Variants in SMIM13 observed in about 807,000 individuals in gnomAD.
SMIM13 encodes small integral membrane protein 13, also known as UPF0766 protein C6orf228.
Under a neutral mutation model 5.9 loss-of-function variants are expected in SMIM13, and 3 were observed. The ratio of observed to expected loss-of-function variants is 0.51; its 90% CI spans 0.23 to 1.31. The LOEUF is 1.31. Ranked by LOEUF, SMIM13 falls within the 40% of genes most tolerant of loss-of-function variation. The pLI, the probability that SMIM13 is intolerant of heterozygous loss-of-function variation, is 0.18. For missense variants in SMIM13, 85 were observed against 109.9 expected (o/e 0.77, Z 1.01); for synonymous variants, 55 against 46.0 (o/e 1.19, Z -0.79).
intron 1 of SMIM13, among the ~76,000 whole-genome samples, chr6:11,123,325 G>T (rs1305935453): frequency 6.6e-6 from 1 of 152,192 alleles, no homozygotes; most frequent in Non-Finnish European, 1.5e-5. Context: ...TCGTAAGGGC[G>T]CTTCCTCCCG....
At chr6:11,122,711 A>G (rs1758326802) in intron 1 of SMIM13, among the ~76,000 whole-genome samples, 1 of 152,166 alleles carries the variant, frequency 6.6e-6, no homozygotes, top group South Asian at 2.1e-4. Flanking sequence ...GTTTTAAAGG[A>G]ATTGAGGCAG....
At chr6:11,102,198 T>G (rs1320429891) in intron 1 of SMIM13, among the ~76,000 whole-genome samples, 1 of 152,228 alleles carries the variant, frequency 6.6e-6, no homozygotes, top group East Asian at 1.9e-4. Context: ...ATAATTATGT[T>G]TCTGTCCAGA....
chr6:11,100,917 A>G (rs1757982560), intron 1 of SMIM13, among the ~76,000 whole-genome samples: 1 of 151,560 alleles, frequency 6.6e-6, no homozygotes, highest in Admixed American at 6.6e-5. Context: ...TGTCATAATG[A>G]TGTACCTTTG....
intron 1 of SMIM13, among the ~76,000 whole-genome samples, chr6:11,127,930 G>A (rs749734315): frequency 2.6e-5 from 4 of 152,140 alleles, no homozygotes; most frequent in Non-Finnish European, 4.4e-5. Context: ...GCTTCCCTCT[G>A]GCCCAGAGCA....
Position 11,094,007 on chromosome 6 carries a change from G to C in SMIM13, c.-307G>C, listed in dbSNP as rs900260644. On this transcript the variant is annotated 5_prime_UTR_variant, in exon 1 of 2. Coordinates refer to ENST00000416247, the MANE Select transcript of SMIM13 (RefSeq NM_001135575.2). ...CCATGGAAGCGCATCCGACCGCTGG[G>C]GTCTCTGGGTGCCGCGGCCTCGGCT... The C allele has an allele frequency of 6.6e-6, 1 of 152,414 alleles. No homozygotes were observed. The highest frequency in any genetic ancestry group is 1.5e-5 in the Non-Finnish European group (1 of 68,204). The allele number at this position is 152,414 out of a possible 1,614,324, so 9.4% of individuals were successfully genotyped here. A position where few individuals can be genotyped will look rare whatever the true frequency, so the allele number is the denominator to read the frequency against.
At chr6:11,104,061 C>G in intron 1 of SMIM13, 2 of 1,551,696 alleles carry the variant, frequency 1.3e-6, no homozygotes, top group Non-Finnish European at 1.7e-6. Flanking sequence ...TAGTCCTCGA[C>G]GATTTTGAAG....
chr6:11,097,893 T>C (rs1031121357), intron 1 of SMIM13, among the ~76,000 whole-genome samples: 8 of 151,396 alleles, frequency 5.3e-5, no homozygotes, highest in African/African-American at 1.9e-4. Flanking sequence ...TGAACCTTTC[T>C]TTTTTTTTAA....
chr6:11,132,457 A>T (rs1758462889), intron 1 of SMIM13, among the ~76,000 whole-genome samples: 1 of 152,230 alleles, frequency 6.6e-6, no homozygotes, highest in African/African-American at 2.4e-5. Flanking sequence ...ACTTGTACAC[A>T]AATATTCATT....
intron 1 of SMIM13, among the ~76,000 whole-genome samples, chr6:11,131,261 T>C (rs919295575): frequency 3.9e-5 from 6 of 152,192 alleles, no homozygotes; most frequent in Non-Finnish European, 8.8e-5. Flanking sequence ...CTTTCTTATT[T>C]ATCCCAATTA....
At chr6:11,124,185 A>G (rs1758347385) in intron 1 of SMIM13, among the ~76,000 whole-genome samples, 1 of 152,120 alleles carries the variant, frequency 6.6e-6, no homozygotes, top group Non-Finnish European at 1.5e-5. Context: ...GGGAGCTATC[A>G]TTCTACTTTC....
chr6:11,095,946 T>G (rs1003817557), intron 1 of SMIM13, among the ~76,000 whole-genome samples: 1 of 152,226 alleles, frequency 6.6e-6, no homozygotes, highest in Non-Finnish European at 1.5e-5. Flanking sequence ...GGAATGAATG[T>G]GACACGTAGA....
intron 1 of SMIM13, among the ~76,000 whole-genome samples, chr6:11,112,150 G>A (rs985951908): frequency 2.6e-5 from 4 of 151,992 alleles, no homozygotes; most frequent in Non-Finnish European, 4.4e-5. Context: ...CCTGATGGTC[G>A]CCTGACATTC....
intron 1 of SMIM13, among the ~76,000 whole-genome samples, chr6:11,101,428 G>A (rs2113639678): frequency 6.6e-6 from 1 of 152,304 alleles, no homozygotes; most frequent in East Asian, 1.9e-4. Flanking sequence ...TTACATTGAG[G>A]TACTATAACT....
intron 1 of SMIM13, among the ~76,000 whole-genome samples, chr6:11,094,967 T>C (rs2113633786): frequency 6.6e-6 from 1 of 152,308 alleles, no homozygotes; most frequent in East Asian, 1.9e-4. Flanking sequence ...AATGGTGCTA[T>C]TTCGAATGCT....
chr6:11,112,464 G>A (rs1758182490), intron 1 of SMIM13, among the ~76,000 whole-genome samples: 1 of 152,120 alleles, frequency 6.6e-6, no homozygotes, highest in East Asian at 1.9e-4. Flanking sequence ...TGGTGGCCAG[G>A]CTGATCTTGA....
intron 1 of SMIM13, chr6:11,103,494 G>T: frequency 4.1e-6 from 3 of 726,450 alleles, no homozygotes; most frequent in Non-Finnish European, 6.2e-6. Context: ...TGGGAAAATG[G>T]ACGAAGGTCA....
chr6:11,113,970 C>CTTTTTTTTTTTTTTTTTTT (rs558822118), intron 1 of SMIM13, among the ~76,000 whole-genome samples: 1 of 144,310 alleles, frequency 6.9e-6, no homozygotes, highest in Non-Finnish European at 1.5e-5. Context: ...TAAAGTTATT[C>CTTTTTTTTTTTTTTTTTTT]TTTTTGTTTT....
At chr6:11,132,145 C>T (rs1359376850) in intron 1 of SMIM13, among the ~76,000 whole-genome samples, 1 of 152,010 alleles carries the variant, frequency 6.6e-6, no homozygotes, top group African/African-American at 2.4e-5. Context: ...AAGAAGATAA[C>T]AGATGGCTAA....
chr6:11,137,341 C>G lies in SMIM13; in HGVS notation c.*2739C>G, dbSNP rs550049674. 6.6e-6 allele frequency: 1 copy of G among 152,166 alleles called. No individual in the cohort carries two copies. The allele number at this position is 152,166 out of a possible 1,614,324, so 9.4% of individuals were successfully genotyped here. A position where few individuals can be genotyped will look rare whatever the true frequency, so the allele number is the denominator to read the frequency against. On this transcript the variant is annotated 3_prime_UTR_variant, in exon 2 of 2. Coordinates refer to ENST00000416247, the MANE Select transcript of SMIM13 (RefSeq NM_001135575.2). ...TTACCATGGTACATATTTCTTAATG[C>G]CACTAAGAAAGGCAAGATAGTGAAC...
Sources: allele counts gnomAD v4.1 joint callset (sites outside exome capture counted in the v4.1 genomes callset), GRCh38; gene constraint gnomAD v4.1.1; transcripts MANE v1.5; gene names NCBI Gene and HGNC (gene_info 2026-07-23, HGNC 2026-07-21).